Variants in ABHD2 observed in about 807,000 individuals in gnomAD.
ABHD2 encodes abhydrolase domain containing 2, acylglycerol lipase.
Under a neutral mutation model 48.1 loss-of-function variants are expected in ABHD2, and 20 were observed. The ratio of observed to expected loss-of-function variants is 0.42; its 90% CI spans 0.29 to 0.60. The LOEUF (loss-of-function observed/expected upper bound fraction) is 0.60. Among genes scored for constraint, ABHD2 ranks in the 20% least tolerant of loss-of-function variants. The probability of loss-of-function intolerance (pLI) is 0.24; values close to 1 mark genes in which losing one functional copy is unlikely to be tolerated. For synonymous variants in ABHD2, 209 were observed against 214.2 expected (o/e 0.98, Z 0.21); for missense variants, 405 against 550.9 (o/e 0.74, Z 2.65).
In ABHD2 at chr15:89,116,317, C is replaced by G. The variant is rs747542003; in HGVS notation, c.-6-5C>G. 9.6e-5 allele frequency: 155 copies of G among 1,611,426 alleles called. No individual in the cohort carries two copies. The highest frequency in any genetic ancestry group is 1.2e-4 in the Non-Finnish European group (141 of 1,178,338). On this transcript the variant is annotated splice_region_variant and splice_polypyrimidine_tract_variant and intron_variant, in intron 2 of 10. Coordinates refer to ENST00000352732, the MANE Select transcript of ABHD2 (RefSeq NM_152924.5). This position sits in a 1 kb window ranked among gnomAD's most constrained non-coding sequence, Gnocchi z 4.6. ...TAAACTTAGACCTGTGCCTCTGCTC[C>G]CCAGATCAAGATGAATGCCATGCTG...
At chr15:89,124,418 C>A (rs933071258) in intron 3 of ABHD2, among the ~76,000 whole-genome samples, 3 of 151,330 alleles carry the variant, frequency 2.0e-5, no homozygotes, top group Non-Finnish European at 4.4e-5. Flanking sequence ...CCACCCTAGG[C>A]CCCTCCTAGG....
At chr15:89,045,880 C>A in the ABHD2 span, among the ~76,000 whole-genome samples, 1 of 152,316 alleles carries the variant, frequency 6.6e-6, no homozygotes. Flanking sequence ...TAATTGAATA[C>A]CCTTTATTTC....
Position 89,130,355 on chromosome 15 carries a change from C to T in ABHD2, c.194+13834C>T, listed in dbSNP as rs145185393. The stretch of plus-strand genomic sequence containing the variant: ...CAACACCTGCTTCCGTGGTCATCAC[C>T]GAGCCAGGAAGAGCAATGTCACACC... On this transcript the variant is annotated intron_variant, in intron 3 of 10. Coordinates refer to ENST00000352732, the MANE Select transcript of ABHD2 (RefSeq NM_152924.5). Among the ~76,000 whole-genome samples the T allele has an allele frequency of 1.1e-3, 167 of 152,240 alleles. 3 individuals carry two copies. Among genetic ancestry groups the T allele is most frequent in the African/African-American group, 7.2e-5 (3 of 41,534 alleles).
chr15:89,151,579 C>G lies in ABHD2; in HGVS notation c.195-98C>G. The G allele has an allele frequency of 7.2e-7, 1 of 1,386,188 alleles. No homozygotes were observed. The highest frequency in any genetic ancestry group is 1.4e-5 in the South Asian group (1 of 72,112). The allele number at this position is 1,386,188 out of a possible 1,614,324, so 85.9% of individuals were successfully genotyped here. A position where few individuals can be genotyped will look rare whatever the true frequency, so the allele number is the denominator to read the frequency against. On this transcript the variant is annotated intron_variant, in intron 3 of 10. Transcript: ENST00000352732. The surrounding 1 kb of genome is among the most constrained non-coding windows in gnomAD (Gnocchi z 4.7). ...TTTATGCTTTGTGTGCAGAATTTCC[C>G]TGGAACAAAAATAGGTTGAAAGAGT...
At chr15:89,067,319 CT>C in the ABHD2 span, among the ~76,000 whole-genome samples, 1 of 152,198 alleles carries the variant, frequency 6.6e-6, no homozygotes, top group Non-Finnish European at 1.5e-5. Context: ...TTAGCATTTT[CT>C]TTGAAGCATA....
chr15:89,194,520 G>A (rs1360297186), intron 10 of ABHD2, among the ~76,000 whole-genome samples: 1 of 152,176 alleles, frequency 6.6e-6, no homozygotes, highest in East Asian at 1.9e-4. Context: ...GGCGTTGAGA[G>A]CTTGGGCATC....
the ABHD2 span, among the ~76,000 whole-genome samples, chr15:89,075,042 C>T: frequency 6.6e-6 from 1 of 152,082 alleles, no homozygotes; most frequent in Non-Finnish European, 1.5e-5. This position sits in a 1 kb window ranked among gnomAD's most constrained non-coding sequence, Gnocchi z 4.1. Flanking sequence ...TTTGAATGGC[C>T]AAACCCAGAG....
rs138199716 is a variant in ABHD2 at position 89,198,345 on chromosome 15, A to G, written c.*2922A>G. The G allele has an allele frequency of 6.6e-6, 1 of 152,222 alleles. No individual in the cohort carries two copies. The highest frequency in any genetic ancestry group is 6.5e-5 in the Admixed American group (1 of 15,284). 9.4% of individuals were successfully genotyped at this position (152,222 alleles called of 1,614,324 possible). On this transcript the variant is annotated 3_prime_UTR_variant, in exon 11 of 11. Transcript: ENST00000352732. The surrounding 1 kb of genome is among the most constrained non-coding windows in gnomAD (Gnocchi z 5.1). ...TCATAAGCAATTTGAAGACACTTACAAGTAACTGATTCCAGTCAAATTAGG... is the reference window on the plus strand; with the variant it reads ...TCATAAGCAATTTGAAGACACTTACGAGTAACTGATTCCAGTCAAATTAGG...
rs902837209 is a variant in ABHD2, at chr15:89,176,610, G to T, written c.722+615G>T. 4.6e-5 allele frequency among the ~76,000 whole-genome samples: 7 copies of T among 152,044 alleles called. No homozygotes were observed. The highest frequency in any genetic ancestry group is 1.4e-4 in the African/African-American group (6 of 41,392). On this transcript the variant is annotated intron_variant, in intron 6 of 10. Transcript: ENST00000352732. The surrounding 1 kb of genome is among the most constrained non-coding windows in gnomAD (Gnocchi z 4.5). ...CCAGGAGGGCGTGGTCATCTGCCCCGATTCCCCTGAAGATCACTGCTGTCC... is the reference window on the plus strand; with the variant it reads ...CCAGGAGGGCGTGGTCATCTGCCCCTATTCCCCTGAAGATCACTGCTGTCC...
At chr15:89,060,432 AG>A in the ABHD2 span, among the ~76,000 whole-genome samples, 1 of 151,938 alleles carries the variant, frequency 6.6e-6, no homozygotes, top group Non-Finnish European at 1.5e-5. Context: ...CAAAACAAAG[AG>A]TTTTTTCGCT....
chr15:89,045,491 A>G, the ABHD2 span, among the ~76,000 whole-genome samples: 1 of 152,240 alleles, frequency 6.6e-6, no homozygotes, highest in African/African-American at 2.4e-5. Flanking sequence ...TACCTTGGGC[A>G]GTATGGCCAT....
At chr15:89,178,430 G>A (rs2051052679) in intron 6 of ABHD2, among the ~76,000 whole-genome samples, 1 of 152,224 alleles carries the variant, frequency 6.6e-6, no homozygotes. Context: ...GGTGGAGCCG[G>A]GGAGGCCCGT....
In ABHD2 at chr15:89,188,243, C is replaced by A; in HGVS notation, c.866C>A (p.Thr289Lys). The A allele has an allele frequency of 6.2e-7, 1 of 1,614,212 alleles. No homozygotes were observed. Among genetic ancestry groups the A allele is most frequent in the Non-Finnish European group, 8.5e-7 (1 of 1,180,030 alleles). ...HVKKPQSLED[T>K]DLSRLYTATS... is the part of the protein sequence containing the mutation. ...AAGAAACCCCAGAGCCTGGAAGACA[C>A]GGACTTGAGCCGGCTCTACACAGCA... is the stretch of plus-strand genomic sequence containing the variant. The change falls in exon 8 of 11, where the codon ACG becomes AAG. Residue 289 changes from threonine (T) to lysine (K), a missense_variant. Transcript: ENST00000352732. This position sits in a 1 kb window ranked among gnomAD's most constrained non-coding sequence, Gnocchi z 4.1.
intron 1 of ABHD2, among the ~76,000 whole-genome samples, chr15:89,107,457 T>C (rs961947020): frequency 2.6e-5 from 4 of 152,184 alleles, no homozygotes; most frequent in African/African-American, 9.7e-5. Context: ...TGTGGTCGTT[T>C]CTATCTGTCA....
chr15:89,119,557 C>T (rs756616015), intron 3 of ABHD2, among the ~76,000 whole-genome samples: 18 of 152,104 alleles, frequency 1.2e-4, no homozygotes, highest in Non-Finnish European at 1.8e-4. Flanking sequence ...TTTTTCCTTT[C>T]ATTTTAGGGA....
upstream of ABHD2, among the ~76,000 whole-genome samples, chr15:89,083,894 CCAGA>C (rs1335255905): frequency 2.0e-5 from 3 of 152,182 alleles, no homozygotes; most frequent in Non-Finnish European, 4.4e-5. This position sits in a 1 kb window ranked among gnomAD's most constrained non-coding sequence, Gnocchi z 5.1. Context: ...CAATAAGAAG[CCAGA>C]CAGTCGACCT....
chr15:89,048,977 C>A, the ABHD2 span, among the ~76,000 whole-genome samples: 1 of 151,352 alleles, frequency 6.6e-6, no homozygotes, highest in Non-Finnish European at 1.5e-5. Flanking sequence ...TTTAGAGTTT[C>A]CATTTTTTCT....
At chr15:89,119,260 T>C (rs1422654720) in intron 3 of ABHD2, among the ~76,000 whole-genome samples, 1 of 152,206 alleles carries the variant, frequency 6.6e-6, no homozygotes, top group Non-Finnish European at 1.5e-5. Flanking sequence ...GGAGCATTAC[T>C]TAAGCAGCTA....
At chr15:89,127,706 C>CATACATATATATATATATATATAT (rs58331064) in intron 3 of ABHD2, among the ~76,000 whole-genome samples, 2 of 129,916 alleles carry the variant, frequency 1.5e-5, no homozygotes, top group African/African-American at 7.2e-5. Context: ...TATATATATA[C>CATACATATATATATATATATATAT]ATATATATAT....
Sources: gnomAD v4.1 joint callset for allele counts (sites outside exome capture counted in the v4.1 genomes callset) on GRCh38, gnomAD v4.1.1 for gene constraint, Gnocchi (gnomAD v3.1) non-coding constraint, MANE v1.5 for transcripts, NCBI Gene and HGNC (gene_info 2026-07-23, HGNC 2026-07-21) for gene names.